Variants in GRM4 observed in about 807,000 individuals in gnomAD.
GRM4 encodes the protein glutamate metabotropic receptor 4.
Under a neutral mutation model 81.7 loss-of-function variants are expected in GRM4, and 28 were observed. The ratio of observed to expected loss-of-function variants is 0.34; its 90% CI spans 0.25 to 0.47. The LOEUF (loss-of-function observed/expected upper bound fraction) is 0.47, where lower values mean the gene tolerates loss of function less well. Among genes scored for constraint, GRM4 ranks in the 20% least tolerant of loss-of-function variants. The pLI, the probability that GRM4 is intolerant of heterozygous loss-of-function variation, is 1.00. For missense variants in GRM4, 948 were observed against 1,290.0 expected (o/e 0.73, Z 4.06); for synonymous variants, 488 against 528.8 (o/e 0.92, Z 1.06).
At chr6:34,103,473 GC>G in intron 2 of GRM4, 1 of 830,082 alleles carries the variant, frequency 1.2e-6, no homozygotes, top group Admixed American at 2.1e-5. Flanking sequence ...AGATAAGAGC[GC>G]CCGAGAGAGC....
rs765271669 is a variant in GRM4, at chr6:34,035,699, A to G, written c.2411T>C (p.Ile804Thr). 4.4e-6 allele frequency: 7 copies of G among 1,588,770 alleles called. No homozygotes were observed. The Middle Eastern group carries it at 1.0e-3, about 227-fold the overall frequency. The change falls in exon 9 of 11, where the codon ATC becomes ACC. Residue 804 changes from isoleucine (I) to threonine (T), a missense_variant. Transcript: ENST00000538487. The surrounding 1 kb of genome is among the most constrained non-coding windows in gnomAD (Gnocchi z 6.6). ...GGCCGACTGCGAGGTGCCAAAGAAGATGGGGATGAAGGCCAGCCAGACGAT... is the reference window on the plus strand; with the variant it reads ...GGCCGACTGCGAGGTGCCAAAGAAGGTGGGGATGAAGGCCAGCCAGACGAT... ...TCIVWLAFIPIFFGTSQSADK... is the reference protein window; with the variant it reads ...TCIVWLAFIPTFFGTSQSADK...
rs537601184 is a variant in GRM4 at position 34,033,651 on chromosome 6, C to T, written c.2442+2017G>A. Among the ~76,000 whole-genome samples, 15 of 152,216 alleles carry T rather than the reference C, an allele frequency of 9.9e-5. No individual in the cohort carries two copies. The South Asian group carries it at 2.1e-3, about 21-fold the overall frequency. ...GGAGCTCAGACTGGCGCTCACAGCT[C>T]GCTCTTTCTTTCTCTCTCTTTCTTT... On this transcript the variant is annotated intron_variant, in intron 9 of 10. Transcript: ENST00000538487.
intron 2 of GRM4, among the ~76,000 whole-genome samples, chr6:34,104,932 A>T (rs1769045635): frequency 6.6e-6 from 1 of 152,120 alleles, no homozygotes; most frequent in Admixed American, 6.5e-5. Context: ...GGGGCTGGGA[A>T]AACCTCAGTG....
At chr6:34,065,925 G>A (rs1314122656) in intron 3 of GRM4, among the ~76,000 whole-genome samples, 5 of 152,000 alleles carry the variant, frequency 3.3e-5, no homozygotes, top group African/African-American at 1.2e-4. Context: ...GCCAGCCCCT[G>A]ACTGCTTTCC....
At chr6:34,153,128 T>C (rs887731739) in intron 1 of GRM4, among the ~76,000 whole-genome samples, 1 of 152,092 alleles carries the variant, frequency 6.6e-6, no homozygotes, top group African/African-American at 2.4e-5. Flanking sequence ...GACTCCACCC[T>C]GGACAAGAAG....
In GRM4 at chr6:34,092,030, G is replaced by A. The variant is rs765206680; in HGVS notation, c.589C>T (p.Arg197Cys). The A allele has an allele frequency of 4.3e-6, 7 of 1,613,904 alleles. No individual in the cohort carries two copies. Among genetic ancestry groups the A allele is most frequent in the Admixed American group, 1.7e-5 (1 of 60,002 alleles). The change falls in exon 3 of 11, where the codon CGC becomes TGC. Residue 197 changes from arginine (R) to cysteine (C), a missense_variant. Physicochemically the swap from Arg to Cys is radical, Grantham distance 180. Transcript: ENST00000538487. The surrounding 1 kb of genome is among the most constrained non-coding windows in gnomAD (Gnocchi z 6.8). ...SDNSRYDFFSRVVPSDTYQAQ... is the reference protein window; with the variant it reads ...SDNSRYDFFSCVVPSDTYQAQ... ...TGGTACGTGTCCGAGGGCACCACGC[G>A]GGAGAAGAAGTCGTAGCGGCTGTTG...
At chr6:34,033,049 G>A (rs1764512766) in intron 9 of GRM4, among the ~76,000 whole-genome samples, 1 of 152,090 alleles carries the variant, frequency 6.6e-6, no homozygotes, top group Non-Finnish European at 1.5e-5. Context: ...TGGGGCCCAT[G>A]AGCATTGAGA....
At chr6:34,056,235 G>T (rs1251053778) in intron 6 of GRM4, 2 of 305,020 alleles carry the variant, frequency 6.6e-6, no homozygotes, top group Non-Finnish European at 1.2e-5. Flanking sequence ...ATCAAGACTG[G>T]ATACAGGTTA....
At chr6:34,087,724 A>G (rs1767981138) in intron 3 of GRM4, among the ~76,000 whole-genome samples, 1 of 124,238 alleles carries the variant, frequency 8.0e-6, no homozygotes, top group Non-Finnish European at 1.7e-5. Flanking sequence ...ACACACACAC[A>G]GGCCCAGTCT....
intron 2 of GRM4, among the ~76,000 whole-genome samples, chr6:34,118,591 C>T (rs1013262873): frequency 3.3e-5 from 5 of 152,222 alleles, no homozygotes; most frequent in African/African-American, 1.2e-4. Flanking sequence ...CTGTGAAAGC[C>T]TGTAAATTGT....
chr6:34,046,885 C>T (rs953374755), intron 6 of GRM4, among the ~76,000 whole-genome samples: 2 of 152,154 alleles, frequency 1.3e-5, no homozygotes, highest in Admixed American at 1.3e-4. Flanking sequence ...AAATATACAC[C>T]TACACCCGTT....
intron 3 of GRM4, among the ~76,000 whole-genome samples, chr6:34,067,058 G>A (rs962566832): frequency 6.6e-5 from 10 of 152,046 alleles, no homozygotes; most frequent in Admixed American, 5.9e-4. Flanking sequence ...AAATCCCATC[G>A]TCCCGTGAGA....
chr6:34,023,929 A>G (rs1178528082), intron 10 of GRM4, among the ~76,000 whole-genome samples: 8 of 152,166 alleles, frequency 5.3e-5, no homozygotes, highest in Non-Finnish European at 1.2e-4. Context: ...TCAGGGCAGT[A>G]TTGCTGCCTG....
At chr6:34,079,845 T>A (rs897218201) in intron 3 of GRM4, among the ~76,000 whole-genome samples, 4 of 152,088 alleles carry the variant, frequency 2.6e-5, no homozygotes, top group Admixed American at 6.5e-5. Flanking sequence ...GTCCAGGCCA[T>A]TGTCACCTCT....
chr6:34,028,170 C>G lies in GRM4; in HGVS notation c.2639G>C (p.Arg880Pro). The G allele has an allele frequency of 6.2e-7, 1 of 1,614,014 alleles. No homozygotes were observed. Among genetic ancestry groups the G allele is most frequent in the Non-Finnish European group, 8.5e-7 (1 of 1,179,994 alleles). The change falls in exon 10 of 11, where the codon CGG becomes CCG. Residue 880 changes from arginine to proline, a missense_variant. By Grantham distance (103) the Arg-to-Pro change is moderately radical. Transcript: ENST00000538487. ...SNKFTQKGNF[R>P]PNGEAKSELC... ...CTCAGACTTGGCCTCTCCGTTGGGC[C>G]GGAAGTTGCCCTTCTGCGTGAACTT...
At chr6:34,038,992 G>A (rs951562672) in intron 8 of GRM4, among the ~76,000 whole-genome samples, 2 of 152,190 alleles carry the variant, frequency 1.3e-5, no homozygotes, top group African/African-American at 2.4e-5. Context: ...AGCTGCTGCC[G>A]CTAGTGAGTT....
In GRM4 at chr6:34,033,605, A is replaced by C. The variant is rs369145968; in HGVS notation, c.2442+2063T>G. Among the ~76,000 whole-genome samples the C allele has an allele frequency of 5.8e-4, 88 of 152,282 alleles. 1 individual carries two copies. The South Asian group carries it at 0.017, about 29-fold the overall frequency. On this transcript the variant is annotated intron_variant, in intron 9 of 10. Transcript: ENST00000538487. ...GAGCACCCCATCCCATGGCTGCCTC[A>C]CTGAAAACTAGGCAACCCTGGGAGC...
chr6:34,106,295 A>C (rs1769123259), intron 2 of GRM4, among the ~76,000 whole-genome samples: 1 of 151,968 alleles, frequency 6.6e-6, no homozygotes, highest in Non-Finnish European at 1.5e-5. Flanking sequence ...GGCGCCTGTA[A>C]TCCCAGCTAC....
rs567794979 is a variant in GRM4, at chr6:34,127,123, G to A, written c.519+5855C>T. Among the ~76,000 whole-genome samples the A allele has an allele frequency of 5.3e-5, 8 of 152,196 alleles. No homozygotes were observed. In the South Asian group the frequency reaches 1.5e-3, roughly 28 times the overall value. Reference sequence around the variant, plus strand: ...GGCCAGATTTGGCTCCTAGTCTATCGTTTGCTAACCCCTGGGCTAGAGGGG... The same window carrying A: ...GGCCAGATTTGGCTCCTAGTCTATCATTTGCTAACCCCTGGGCTAGAGGGG... On this transcript the variant is annotated intron_variant, in intron 2 of 10. Transcript: ENST00000538487.
Sources: gnomAD v4.1 joint callset for allele counts (sites outside exome capture counted in the v4.1 genomes callset) on GRCh38, gnomAD v4.1.1 for gene constraint, Gnocchi (gnomAD v3.1) non-coding constraint, MANE v1.5 for transcripts, NCBI Gene and HGNC (gene_info 2026-07-23, HGNC 2026-07-21) for gene names.